The following TMEM178A variants were observed in gnomAD, a reference collection of about 807,000 sequenced individuals.
TMEM178A encodes transmembrane protein 178.
A neutral mutation model predicts 29.1 loss-of-function variants in TMEM178A; 12 were observed. The observed-to-expected ratio is 0.41, with a 90% CI of 0.26 to 0.67. The LOEUF is 0.67. Ranked by LOEUF, TMEM178A falls within the 30% of genes least tolerant of loss-of-function variation. The pLI is 0.29. For synonymous variants in TMEM178A, 210 were observed against 187.2 expected (o/e 1.12, Z -0.99); for missense variants, 366 against 419.1 (o/e 0.87, Z 1.11).
intron 1 of TMEM178A, among the ~76,000 whole-genome samples, chr2:39,674,291 T>C (rs1449367960): frequency 6.6e-6 from 1 of 151,766 alleles, no homozygotes; most frequent in Non-Finnish European, 1.5e-5. Context: ...TCAATCAGAG[T>C]GGATAAAGAA....
chr2:39,729,493 G>A, the TMEM178A span, among the ~76,000 whole-genome samples: 2 of 152,172 alleles, frequency 1.3e-5, no homozygotes, highest in African/African-American at 4.8e-5. Context: ...CCACTTTGAT[G>A]TACCCTTTGG....
intron 1 of TMEM178A, among the ~76,000 whole-genome samples, chr2:39,671,318 G>A (rs1027151355): frequency 1.4e-4 from 22 of 152,204 alleles, no homozygotes; most frequent in Non-Finnish European, 2.1e-4. Flanking sequence ...ACCTGACACA[G>A]AAATAGATTG....
chr2:39,673,196 G>A (rs750954312), intron 1 of TMEM178A, among the ~76,000 whole-genome samples: 8 of 152,142 alleles, frequency 5.3e-5, no homozygotes, highest in South Asian at 2.1e-4. Context: ...CGCCTTGGCC[G>A]TCGTCATGAA....
chr2:39,730,900 T>C, the TMEM178A span, among the ~76,000 whole-genome samples: 1 of 152,220 alleles, frequency 6.6e-6, no homozygotes, highest in Non-Finnish European at 1.5e-5. Context: ...CACCATCTAT[T>C]GGCTGTTGGT....
At chr2:39,711,792 TTTTTATTTTA>T (rs1271822954) in intron 3 of TMEM178A, among the ~76,000 whole-genome samples, 2 of 152,180 alleles carry the variant, frequency 1.3e-5, no homozygotes, top group Non-Finnish European at 2.9e-5. Flanking sequence ...GATCTAAAAC[TTTTTATTTTA>T]GAAGAGTAAC....
chr2:39,665,646 G>C, upstream of TMEM178A: 1 of 275,864 alleles, frequency 3.6e-6, no homozygotes, highest in East Asian at 6.0e-5. Flanking sequence ...CGGAGGTAGG[G>C]AGAGGGGCGA....
chr2:39,688,757 T>C (rs1203730039), intron 1 of TMEM178A, among the ~76,000 whole-genome samples: 1 of 152,222 alleles, frequency 6.6e-6, no homozygotes, highest in Admixed American at 6.5e-5. Context: ...GAAATTGATT[T>C]CAATTATCTG....
intron 2 of TMEM178A, among the ~76,000 whole-genome samples, chr2:39,704,809 A>T (rs1227836802): frequency 6.6e-6 from 1 of 152,222 alleles, no homozygotes; most frequent in African/African-American, 2.4e-5. Flanking sequence ...GAAACGAAAA[A>T]CTACTGTGAA....
chr2:39,701,355 T>G (rs1671773414), intron 1 of TMEM178A, among the ~76,000 whole-genome samples: 1 of 152,182 alleles, frequency 6.6e-6, no homozygotes, highest in African/African-American at 2.4e-5. Context: ...ATTTCTGTGT[T>G]TTGAATGTGT....
At chr2:39,689,943 A>G (rs1056046958) in intron 1 of TMEM178A, among the ~76,000 whole-genome samples, 3 of 152,238 alleles carry the variant, frequency 2.0e-5, no homozygotes, top group African/African-American at 4.8e-5. Flanking sequence ...GAGGTGGCAC[A>G]GCTCAATGCC....
At chr2:39,728,935 A>G in the TMEM178A span, among the ~76,000 whole-genome samples, 1 of 152,204 alleles carries the variant, frequency 6.6e-6, no homozygotes, top group African/African-American at 2.4e-5. Flanking sequence ...ATGGTAACAG[A>G]AAAAATGCAA....
intron 3 of TMEM178A, among the ~76,000 whole-genome samples, chr2:39,710,981 C>T (rs1489836108): frequency 6.6e-6 from 1 of 152,250 alleles, no homozygotes; most frequent in Non-Finnish European, 1.5e-5. Flanking sequence ...GCCCTGCTGA[C>T]TGTCGATGCA....
At chr2:39,718,290 G>T (rs78889172), downstream of TMEM178A, among the ~76,000 whole-genome samples, 1 of 151,704 alleles carries the variant, frequency 6.6e-6, no homozygotes, top group Non-Finnish European at 1.5e-5. Flanking sequence ...AGGATACATG[G>T]TCTCTGTTTT....
chr2:39,668,438 AGATATG>A (rs1670269289), intron 1 of TMEM178A, among the ~76,000 whole-genome samples: 1 of 152,228 alleles, frequency 6.6e-6, no homozygotes. Flanking sequence ...TGTGAACAGA[AGATATG>A]GGCCCCATTG....
chr2:39,717,398 C>T lies in TMEM178A; in HGVS notation c.*147C>T. The T allele has an allele frequency of 1.7e-6, 2 of 1,169,514 alleles. No homozygotes were observed. The highest frequency in any genetic ancestry group is 3.4e-5 in the South Asian group (2 of 58,324). The allele number at this position is 1,169,514 out of a possible 1,614,324, so 72.4% of individuals were successfully genotyped here. A position where few individuals can be genotyped will look rare whatever the true frequency, so the allele number is the denominator to read the frequency against. On this transcript the variant is annotated 3_prime_UTR_variant, in exon 4 of 4. Coordinates refer to ENST00000281961, the MANE Select transcript of TMEM178A (RefSeq NM_152390.3). Reference sequence around the variant, plus strand: ...ATTACTGATAGAAAATCATGCAAAACCTCCCAACCTTTCTAAGGACAAGAC... The same window carrying T: ...ATTACTGATAGAAAATCATGCAAAATCTCCCAACCTTTCTAAGGACAAGAC...
the TMEM178A span, among the ~76,000 whole-genome samples, chr2:39,731,486 G>C: frequency 3.3e-5 from 5 of 152,182 alleles, no homozygotes; most frequent in African/African-American, 1.2e-4. Flanking sequence ...GAGAGCAAGA[G>C]AATGTCTAGG....
chr2:39,706,152 C>G (rs752266154), intron 2 of TMEM178A, among the ~76,000 whole-genome samples: 2 of 152,166 alleles, frequency 1.3e-5, no homozygotes, highest in Non-Finnish European at 2.9e-5. Flanking sequence ...CGTAGTCAGC[C>G]TACCTCTTGG....
At chr2:39,690,813 A>T (rs1479273000) in intron 1 of TMEM178A, among the ~76,000 whole-genome samples, 2 of 152,260 alleles carry the variant, frequency 1.3e-5, no homozygotes, top group Admixed American at 1.3e-4. Context: ...TCTGTAAACT[A>T]CAAGAGAACG....
chr2:39,719,435 G>A (rs569311756), downstream of TMEM178A, among the ~76,000 whole-genome samples: 1 of 152,166 alleles, frequency 6.6e-6, no homozygotes, highest in South Asian at 2.1e-4. Context: ...AGTTCACTTA[G>A]GATTCAAACG....
Sources: allele counts gnomAD v4.1 joint callset (sites outside exome capture counted in the v4.1 genomes callset), GRCh38; gene constraint gnomAD v4.1.1; transcripts MANE v1.5; gene names NCBI Gene and HGNC (gene_info 2026-07-23, HGNC 2026-07-21).